The following IKZF3 variants were observed in gnomAD, a reference collection of about 807,000 sequenced individuals.
The protein encoded by IKZF3 is IKAROS family zinc finger 3.
IKZF3 carries 10 observed loss-of-function variants against 49.0 expected under a neutral mutation model. The ratio of observed to expected loss-of-function variants is 0.20; its 90% CI spans 0.13 to 0.35. IKZF3 has a LOEUF of 0.35. IKZF3 is among the 10% of genes least tolerant of loss of function. The probability of loss-of-function intolerance (pLI) is 1.00; values close to 1 mark genes in which losing one functional copy is unlikely to be tolerated. For synonymous variants in IKZF3, 209 were observed against 228.2 expected (o/e 0.92, Z 0.76); for missense variants, 498 against 664.8 (o/e 0.75, Z 2.76).
chr17:39,776,082 C>G (rs545469384), intron 7 of IKZF3, among the ~76,000 whole-genome samples: 16 of 152,214 alleles, frequency 1.1e-4, no homozygotes, highest in African/African-American at 3.9e-4. Flanking sequence ...GAGACTCTAT[C>G]TCTACAAAAA....
At chr17:39,845,857 CTG>C (rs2062615023) in intron 1 of IKZF3, among the ~76,000 whole-genome samples, 1 of 152,166 alleles carries the variant, frequency 6.6e-6, no homozygotes, top group African/African-American at 2.4e-5. Flanking sequence ...ACAAATGTCA[CTG>C]ATTGAAAAAT....
chr17:39,795,600 T>A (rs1598031329), intron 3 of IKZF3, among the ~76,000 whole-genome samples: 1 of 150,662 alleles, frequency 6.6e-6, no homozygotes, highest in South Asian at 2.1e-4. Flanking sequence ...AAAGACGGGG[T>A]TTCGCCATGT....
chr17:39,836,334 G>C (rs2062280833), intron 1 of IKZF3, among the ~76,000 whole-genome samples: 1 of 152,130 alleles, frequency 6.6e-6, no homozygotes, highest in African/African-American at 2.4e-5. Context: ...CAGGCACCAG[G>C]CCTACTCATG....
chr17:39,841,023 A>G (rs1224386605), intron 1 of IKZF3, among the ~76,000 whole-genome samples: 1 of 152,122 alleles, frequency 6.6e-6, no homozygotes, highest in Non-Finnish European at 1.5e-5. Flanking sequence ...CGAAAAATAC[A>G]AAAATTAGCC....
intron 3 of IKZF3, among the ~76,000 whole-genome samples, chr17:39,827,628 G>A (rs983890483): frequency 6.6e-6 from 1 of 152,096 alleles, no homozygotes; most frequent in Admixed American, 6.6e-5. Flanking sequence ...TTTTGACGGG[G>A]ATAAACACAG....
chr17:39,775,303 A>G (rs2143686020), intron 7 of IKZF3, among the ~76,000 whole-genome samples: 1 of 152,302 alleles, frequency 6.6e-6, no homozygotes, highest in South Asian at 2.1e-4. Context: ...ATTCCAGCAC[A>G]GAGAGAATGT....
At chr17:39,788,505 A>G in intron 5 of IKZF3, 131 bp from the exon 6 acceptor site, 2 of 625,568 alleles carry the variant, frequency 3.2e-6, no homozygotes. Context: ...GATACTTTTG[A>G]ATCTATATTT....
chr17:39,807,304 ACATAAATGTT>A (rs1225689453), intron 3 of IKZF3, among the ~76,000 whole-genome samples: 4 of 152,180 alleles, frequency 2.6e-5, no homozygotes, highest in Non-Finnish European at 4.4e-5. Context: ...AAAGACTTGT[ACATAAATGTT>A]CATAGAAGCT....
At chr17:39,837,205 G>A (rs1221051903) in intron 1 of IKZF3, among the ~76,000 whole-genome samples, 2 of 151,808 alleles carry the variant, frequency 1.3e-5, no homozygotes, top group Non-Finnish European at 2.9e-5. Flanking sequence ...AAAGTGTTAG[G>A]ATTACAGGTG....
intron 1 of IKZF3, among the ~76,000 whole-genome samples, chr17:39,837,646 T>C (rs572694447): frequency 3.4e-5 from 5 of 149,044 alleles, no homozygotes; most frequent in East Asian, 1.9e-4. Flanking sequence ...TTCTTTTTCT[T>C]TTTTTTTTTT....
At chr17:39,842,353 AC>A (rs1426583802) in intron 1 of IKZF3, among the ~76,000 whole-genome samples, 1 of 152,042 alleles carries the variant, frequency 6.6e-6, no homozygotes, top group Non-Finnish European at 1.5e-5. Context: ...ACATGGCGAA[AC>A]CCCATCTCTA....
rs2063133981 is a variant in IKZF3 at position 39,858,634 on chromosome 17, C to A, written c.7+5486G>T. On this transcript the variant is annotated intron_variant, in intron 1 of 7. Coordinates refer to ENST00000346872, the MANE Select transcript of IKZF3 (RefSeq NM_012481.5). ...CAACCAGTTCTCCTGTCTCAGCCTC[C>A]CGAGTAGCTGGGACTACAGGCGCCT... Among the ~76,000 whole-genome samples the A allele has an allele frequency of 2.0e-5, 3 of 152,072 alleles. No individual in the cohort carries two copies. The South Asian group carries it at 6.2e-4, about 32-fold the overall frequency.
intron 5 of IKZF3, 68 bp downstream of exon 5, chr17:39,791,348 T>C (rs973604856): frequency 2.1e-5 from 32 of 1,529,514 alleles, no homozygotes; most frequent in Admixed American, 6.8e-5. Context: ...CTTAACTCTT[T>C]CTAGTTTCCA....
rs976269878 is a variant in IKZF3, at chr17:39,828,873, C to T, written c.163+514G>A. Reference sequence around the variant, plus strand: ...AAAATTAGCCGGGCATGGTGGTGGGCGCCTGTAATCTCGGCTATTTGGGAG... The same window carrying T: ...AAAATTAGCCGGGCATGGTGGTGGGTGCCTGTAATCTCGGCTATTTGGGAG... On this transcript the variant is annotated intron_variant, in intron 3 of 7. Transcript: ENST00000346872. Among the ~76,000 whole-genome samples, 7 of 151,880 alleles carry T rather than the reference C, an allele frequency of 4.6e-5. No individual in the cohort carries two copies. In the South Asian group the frequency reaches 6.2e-4, roughly 14 times the overall value.
intron 6 of IKZF3, among the ~76,000 whole-genome samples, chr17:39,780,449 A>C (rs892883341): frequency 2.0e-5 from 3 of 152,082 alleles, no homozygotes; most frequent in Non-Finnish European, 4.4e-5. Context: ...CTGCAGGCTC[A>C]ACCTCCTGGG....
chr17:39,766,128 T>C lies in IKZF3; in HGVS notation c.1192A>G (p.Asn398Asp). 6.2e-7 allele frequency: 1 copy of C among 1,614,154 alleles called. No individual in the cohort carries two copies. The highest frequency in any genetic ancestry group is 1.1e-5 in the South Asian group (1 of 91,082). ...DTDSNHEERQ[N>D]HIYQQNHMVL... Reference sequence around the variant, plus strand: ...ATGTGATTTTGCTGATAGATGTGATTCTGGCGTTCTTCATGGTTGCTGTCA... The same window carrying C: ...ATGTGATTTTGCTGATAGATGTGATCCTGGCGTTCTTCATGGTTGCTGTCA... The change falls in exon 8 of 8, where the codon AAT becomes GAT. Residue 398 changes from asparagine to aspartate, a missense_variant. Physicochemically the swap from Asn to Asp is conservative, Grantham distance 23. Transcript: ENST00000346872.
chr17:39,764,908 C>T lies in IKZF3; in HGVS notation c.*882G>A, dbSNP rs1203508433. On this transcript the variant is annotated 3_prime_UTR_variant, in exon 8 of 8. Coordinates refer to ENST00000346872, the MANE Select transcript of IKZF3 (RefSeq NM_012481.5). ...GTCTGTATCACCAATTCTCCATGAA[C>T]TCTTTCAAGAAGTTTTAGGTAGCTG... 6.6e-6 allele frequency: 1 copy of T among 152,346 alleles called. No homozygotes were observed. The allele number at this position is 152,346 out of a possible 1,614,324, so 9.4% of individuals were successfully genotyped here. A position where few individuals can be genotyped will look rare whatever the true frequency, so the allele number is the denominator to read the frequency against.
chr17:39,830,073 A>C (rs1380983827), intron 2 of IKZF3, among the ~76,000 whole-genome samples: 4 of 152,178 alleles, frequency 2.6e-5, no homozygotes, highest in Non-Finnish European at 5.9e-5. Flanking sequence ...CTGGAGAAAA[A>C]CTATCTCTCC....
rs566574918 is a variant in IKZF3, at chr17:39,849,855, CTGA to C, written c.7+14262_7+14264del. Among the ~76,000 whole-genome samples, 9 of 151,794 alleles carry C rather than the reference CTGA, an allele frequency of 5.9e-5. No homozygotes were observed. In the South Asian group the frequency reaches 1.9e-3, roughly 31 times the overall value. ...AAAAGAATGGTAAAAATTAAAAAGACTGATAATAGCAAGTGTTAACAAAAAGAT... is the reference window on the plus strand; with the variant it reads ...AAAAGAATGGTAAAAATTAAAAAGACTAATAGCAAGTGTTAACAAAAAGAT... On this transcript the variant is annotated intron_variant, in intron 1 of 7. Transcript: ENST00000346872.
Sources: gnomAD v4.1 joint callset for allele counts (sites outside exome capture counted in the v4.1 genomes callset) on GRCh38, gnomAD v4.1.1 for gene constraint, MANE v1.5 for transcripts, NCBI Gene and HGNC (gene_info 2026-07-23, HGNC 2026-07-21) for gene names.